MYO16: variants seen among roughly 807,000 people sequenced by gnomAD.
The protein encoded by MYO16 is myosin XVI, also known as unconventional myosin-XVI.
A neutral mutation model predicts 205.3 loss-of-function variants in MYO16; 94 were observed. The observed-to-expected ratio is 0.46, with a 90% CI of 0.39 to 0.54. The LOEUF is 0.54. Among genes scored for constraint, MYO16 ranks in the 20% least tolerant of loss-of-function variants. The probability of loss-of-function intolerance (pLI) is 0.00; values close to 1 mark genes in which losing one functional copy is unlikely to be tolerated. For missense variants in MYO16, 2,315 were observed against 2,387.5 expected (o/e 0.97, Z 0.63); for synonymous variants, 988 against 954.0 (o/e 1.04, Z -0.66).
At chr13:109,071,614 C>T (rs939335399) in intron 27 of MYO16, among the ~76,000 whole-genome samples, 1 of 152,104 alleles carries the variant, frequency 6.6e-6, no homozygotes, top group African/African-American at 2.4e-5. Flanking sequence ...TATTAAGTCT[C>T]TACAAGGCTA....
chr13:109,110,728 G>A (rs1436489921), intron 28 of MYO16, among the ~76,000 whole-genome samples: 2 of 152,142 alleles, frequency 1.3e-5, no homozygotes, highest in African/African-American at 2.4e-5. Flanking sequence ...GAGTGTGGAG[G>A]TATTAATAGT....
In MYO16 at chr13:109,017,926, G is replaced by T. The variant is rs369155068; in HGVS notation, c.2596-1785G>T. 1.3e-4 allele frequency among the ~76,000 whole-genome samples: 20 copies of T among 152,252 alleles called. No individual in the cohort carries two copies. In the South Asian group the frequency reaches 3.7e-3, roughly 28 times the overall value. On this transcript the variant is annotated intron_variant, in intron 22 of 34. Coordinates refer to ENST00000457511, the MANE Select transcript of MYO16 (RefSeq NM_001198950.3). Reference sequence around the variant, plus strand: ...GGTTTGAACATCCTCTGTTAGCCCGGAGAAGTTTGTTAACACCAACTTTCT... The same window carrying T: ...GGTTTGAACATCCTCTGTTAGCCCGTAGAAGTTTGTTAACACCAACTTTCT...
intron 1 of MYO16, among the ~76,000 whole-genome samples, chr13:108,617,724 G>T (rs538013883): frequency 1.3e-4 from 20 of 152,086 alleles, no homozygotes; most frequent in African/African-American, 4.8e-4. Flanking sequence ...ACCAGCAAAC[G>T]CTGTGCATAG....
chr13:109,099,607 C>T (rs1045344455), intron 27 of MYO16, among the ~76,000 whole-genome samples: 2 of 152,126 alleles, frequency 1.3e-5, no homozygotes, highest in Non-Finnish European at 1.5e-5. Context: ...ACGTAGGGAC[C>T]TTGAGATACA....
intron 1 of MYO16, among the ~76,000 whole-genome samples, chr13:108,662,985 G>T (rs925366643): frequency 3.3e-5 from 5 of 152,140 alleles, no homozygotes; most frequent in African/African-American, 7.2e-5. Context: ...TCAGCCCCAG[G>T]TAAAGTTGGA....
At chr13:108,500,923 C>G in the MYO16 span, among the ~76,000 whole-genome samples, 1 of 152,160 alleles carries the variant, frequency 6.6e-6, no homozygotes, top group South Asian at 2.1e-4. Flanking sequence ...TGACACCTCT[C>G]CCGACTCACA....
chr13:109,033,393 A>T (rs746559940), intron 23 of MYO16, among the ~76,000 whole-genome samples: 1 of 152,148 alleles, frequency 6.6e-6, no homozygotes, highest in Non-Finnish European at 1.5e-5. Flanking sequence ...GTCGTCCCAC[A>T]TTATTCTCTT....
chr13:108,640,758 A>G (rs769758126), intron 1 of MYO16, among the ~76,000 whole-genome samples: 16 of 152,240 alleles, frequency 1.1e-4, no homozygotes, highest in Admixed American at 3.9e-4. Flanking sequence ...GCATCCTACA[A>G]TGGTTTGAGA....
chr13:109,153,741 A>G (rs1331721748), intron 32 of MYO16, among the ~76,000 whole-genome samples: 1 of 152,198 alleles, frequency 6.6e-6, no homozygotes, highest in Non-Finnish European at 1.5e-5. Context: ...CCTGGGCGAC[A>G]GGGCGAGACT....
At chr13:109,150,499 T>G (rs1877597749) in intron 32 of MYO16, among the ~76,000 whole-genome samples, 1 of 152,154 alleles carries the variant, frequency 6.6e-6, no homozygotes, top group South Asian at 2.1e-4. Context: ...CCCTATGAAT[T>G]GCATGAACTG....
At chr13:109,025,586 A>G (rs1269512899) in intron 23 of MYO16, among the ~76,000 whole-genome samples, 1 of 152,146 alleles carries the variant, frequency 6.6e-6, no homozygotes, top group Non-Finnish European at 1.5e-5. Context: ...CATATATGGG[A>G]TTATCACTTA....
chr13:108,716,249 ATAATC>A (rs770032635), intron 3 of MYO16, among the ~76,000 whole-genome samples: 3 of 152,230 alleles, frequency 2.0e-5, no homozygotes, highest in East Asian at 1.9e-4. Context: ...TATACAGAGT[ATAATC>A]TAAGCCTAGG....
chr13:108,859,969 A>G (rs1311246932), intron 11 of MYO16, among the ~76,000 whole-genome samples: 1 of 152,028 alleles, frequency 6.6e-6, no homozygotes, highest in Non-Finnish European at 1.5e-5. Flanking sequence ...CAGCCACTTA[A>G]CATGCCACTC....
At chr13:108,498,956 G>C in the MYO16 span, among the ~76,000 whole-genome samples, 1 of 152,136 alleles carries the variant, frequency 6.6e-6, no homozygotes, top group South Asian at 2.1e-4. Flanking sequence ...GGCAAAATTA[G>C]GGGTTCCTCT....
At chr13:108,706,112 C>T (rs953911573) in intron 2 of MYO16, among the ~76,000 whole-genome samples, 1 of 152,074 alleles carries the variant, frequency 6.6e-6, no homozygotes, top group Non-Finnish European at 1.5e-5. Context: ...GATTTGATTT[C>T]GTAATAACTC....
rs756529136 is a variant in MYO16 at position 108,957,748 on chromosome 13, G to T, written c.1986G>T (p.Glu662Asp). The T allele has an allele frequency of 6.2e-7, 1 of 1,613,946 alleles. No individual in the cohort carries two copies. The highest frequency in any genetic ancestry group is 8.5e-7 in the Non-Finnish European group (1 of 1,179,822). ...ASTGERSLNR[E>D]KLAVLKRALN... The stretch of plus-strand genomic sequence containing the variant: ...CAGGGGAGCGTTCTCTGAACAGGGA[G>T]AAATTGGCTGTTTTGAAACGAGCCC... The change falls in exon 17 of 35, where the codon GAG becomes GAT. Residue 662 changes from glutamate to aspartate, a missense_variant. By Grantham distance (45) the Glu-to-Asp change is conservative. This residue lies in a region of MYO16 where 1,213 missense variants were observed against 1,274.4 expected (regional missense o/e 0.95). Transcript: ENST00000457511.
chr13:109,164,504 C>T (rs958550512), intron 32 of MYO16, among the ~76,000 whole-genome samples: 1 of 152,178 alleles, frequency 6.6e-6, no homozygotes, highest in Non-Finnish European at 1.5e-5. Flanking sequence ...TGTTTCTTAT[C>T]ACTCAAGTGT....
intron 1 of MYO16, among the ~76,000 whole-genome samples, chr13:108,635,928 A>G (rs1186039020): frequency 6.6e-6 from 1 of 152,148 alleles, no homozygotes; most frequent in Non-Finnish European, 1.5e-5. Flanking sequence ...TGGGTAGCCT[A>G]TTTATTCTAA....
At chr13:108,714,079 CAG>C (rs1294565427) in intron 3 of MYO16, among the ~76,000 whole-genome samples, 1 of 151,994 alleles carries the variant, frequency 6.6e-6, no homozygotes, top group Non-Finnish European at 1.5e-5. Context: ...GTTGTTGAGA[CAG>C]AGTCTCACTC....
Sources: gnomAD v4.1 joint callset for allele counts (sites outside exome capture counted in the v4.1 genomes callset) on GRCh38, gnomAD v4.1.1 for gene constraint, gnomAD v4.1.1 regional missense constraint, MANE v1.5 for transcripts, NCBI Gene and HGNC (gene_info 2026-07-23, HGNC 2026-07-21) for gene names.